Variants in PPP6R2 observed in about 807,000 individuals in gnomAD.
PPP6R2 encodes serine/threonine-protein phosphatase 6 regulatory subunit 2.
Under a neutral mutation model 100.2 loss-of-function variants are expected in PPP6R2, and 62 were observed. That is an observed-to-expected ratio of 0.62 (90% CI 0.50 to 0.76). The LOEUF is 0.76. Ranked by LOEUF, PPP6R2 falls within the 30% of genes least tolerant of loss-of-function variation. The pLI is 0.00. For synonymous variants in PPP6R2, 525 were observed against 514.7 expected (o/e 1.02, Z -0.27); for missense variants, 1,142 against 1,276.3 (o/e 0.89, Z 1.60).
intron 12 of PPP6R2, among the ~76,000 whole-genome samples, chr22:50,434,672 C>T (rs11702930): frequency 2.1e-4 from 17 of 80,222 alleles, no homozygotes; most frequent in Non-Finnish European, 1.7e-4. Flanking sequence ...GGGCCGGGCA[C>T]TTGCCCTGGA....
At chr22:50,332,781 G>A in the PPP6R2 span, among the ~76,000 whole-genome samples, 1 of 151,378 alleles carries the variant, frequency 6.6e-6, no homozygotes, top group Non-Finnish European at 1.5e-5. Flanking sequence ...GCACCACCAC[G>A]CCCAGCTAAT....
chr22:50,435,041 G>A lies in PPP6R2; in HGVS notation c.1476G>A (p.Glu492=), dbSNP rs765723793. 1.9e-6 allele frequency: 3 copies of A among 1,597,762 alleles called. No homozygotes were observed. The highest frequency in any genetic ancestry group is 2.2e-5 in the South Asian group (2 of 89,888). The change falls in exon 13 of 24, where the codon GAG becomes GAA. Residue 492 remains glutamate (E), a synonymous_variant. Coordinates refer to ENST00000612753, the MANE Select transcript of PPP6R2 (RefSeq NM_001242898.2). ...CCAACGCGGTGGTGCAGAACCTGGA[G>A]CGGGGCCCTGTGCAGACGCACATCA... ...RIANAVVQNL[E]RGPVQTHISE...
chr22:50,378,453 G>T (rs753514881), intron 2 of PPP6R2, among the ~76,000 whole-genome samples: 2 of 152,184 alleles, frequency 1.3e-5, no homozygotes, highest in South Asian at 4.1e-4. Flanking sequence ...AGACGTGGTG[G>T]TGCATGCCTG....
chr22:50,340,791 G>A (rs939119183), upstream of PPP6R2, among the ~76,000 whole-genome samples: 4 of 151,922 alleles, frequency 2.6e-5, no homozygotes, highest in Admixed American at 2.6e-4. Flanking sequence ...CATGAGCAAG[G>A]GGAGTAGGAG....
intron 22 of PPP6R2, 180 bp downstream of exon 22, chr22:50,441,206 C>T (rs1005551782): frequency 3.1e-5 from 19 of 603,424 alleles, no homozygotes; most frequent in East Asian, 5.6e-5. Context: ...GGTGCCCACG[C>T]GTTTACGTGG....
intron 6 of PPP6R2, 112 bp downstream of exon 6, chr22:50,416,269 G>A (rs1286772282): frequency 1.1e-6 from 1 of 917,846 alleles, no homozygotes; most frequent in Non-Finnish European, 1.7e-6. Context: ...TTCCTAAGAT[G>A]AGGATCGGTT....
At chr22:50,394,238 G>A (rs2056248763) in intron 3 of PPP6R2, 103 bp downstream of exon 3, 9 of 1,486,042 alleles carry the variant, frequency 6.1e-6, no homozygotes, top group Non-Finnish European at 2.7e-6. Flanking sequence ...TGATGAAGAA[G>A]CGAGCCGTAA....
At chr22:50,404,971 G>A (rs1010122494) in intron 3 of PPP6R2, among the ~76,000 whole-genome samples, 1 of 152,172 alleles carries the variant, frequency 6.6e-6, no homozygotes, top group Non-Finnish European at 1.5e-5. Flanking sequence ...GGCGATGGCT[G>A]TCACCCACCT....
At chr22:50,353,210 T>A (rs938428447) in intron 1 of PPP6R2, among the ~76,000 whole-genome samples, 1 of 152,246 alleles carries the variant, frequency 6.6e-6, no homozygotes, top group African/African-American at 2.4e-5. Flanking sequence ...GAGGGCTAGC[T>A]TTTGGCCTGT....
chr22:50,332,176 A>G, the PPP6R2 span, among the ~76,000 whole-genome samples: 1 of 152,062 alleles, frequency 6.6e-6, no homozygotes, highest in Non-Finnish European at 1.5e-5. Flanking sequence ...TATCTAAGAA[A>G]TGTCTTAACC....
chr22:50,400,624 C>G (rs2057867216), intron 3 of PPP6R2, among the ~76,000 whole-genome samples: 2 of 152,146 alleles, frequency 1.3e-5, no homozygotes, highest in African/African-American at 4.8e-5. Flanking sequence ...ACAGGGGATC[C>G]CCAAAGAGCA....
chr22:50,439,829 A>C lies in PPP6R2; in HGVS notation c.2257A>C (p.Lys753Gln). Residue 753 changes from lysine to glutamine, a missense_variant, in exon 20 of 24, where the codon AAG (lysine) becomes CAG (glutamine). By Grantham distance (53) the Lys-to-Gln change is moderately conservative. This residue lies in a region of PPP6R2 where 550 missense variants were observed against 517.4 expected (regional missense o/e 1.06). Transcript: ENST00000612753. ...TSAPEEKGWA[K>Q]FTDFQPFCCS... is the part of the protein sequence containing the mutation. ...AGCTCCAGAGGAGAAAGGCTGGGCCAAGTTCACTGACTTCCAACCTTTCTG... is the reference window on the plus strand; with the variant it reads ...AGCTCCAGAGGAGAAAGGCTGGGCCCAGTTCACTGACTTCCAACCTTTCTG... 1 of 1,613,648 alleles carries C rather than the reference A, an allele frequency of 6.2e-7. No individual in the cohort carries two copies. The highest frequency in any genetic ancestry group is 8.5e-7 in the Non-Finnish European group (1 of 1,179,816).
intron 10 of PPP6R2, among the ~76,000 whole-genome samples, chr22:50,428,616 C>A (rs947096465): frequency 3.3e-5 from 5 of 152,008 alleles, no homozygotes; most frequent in African/African-American, 1.2e-4. Flanking sequence ...ATTCAGGAGA[C>A]TGAAGAGGGA....
chr22:50,386,219 T>A (rs1362534166), intron 2 of PPP6R2, among the ~76,000 whole-genome samples: 1 of 151,982 alleles, frequency 6.6e-6, no homozygotes, highest in Non-Finnish European at 1.5e-5. Context: ...CTCTGCTCAC[T>A]GCAACCTCTG....
intron 1 of PPP6R2, among the ~76,000 whole-genome samples, chr22:50,349,195 CAAAA>C (rs892504600): frequency 1.1e-4 from 7 of 61,652 alleles, no homozygotes; most frequent in African/African-American, 1.3e-4. Flanking sequence ...GACTTCCTCT[CAAAA>C]AAAAAAAAAA....
chr22:50,419,501 G>A (rs1470270033), intron 8 of PPP6R2, 39 bp downstream of exon 8: 1 of 1,444,198 alleles, frequency 6.9e-7, no homozygotes, highest in Non-Finnish European at 9.7e-7. Context: ...AGCTGAACTT[G>A]ACGCCTCAGT....
intron 1 of PPP6R2, among the ~76,000 whole-genome samples, chr22:50,357,289 A>G (rs1162971499): frequency 2.0e-5 from 3 of 152,192 alleles, no homozygotes; most frequent in Non-Finnish European, 4.4e-5. Context: ...TGGTGTGTGC[A>G]TGCGTATATG....
intron 18 of PPP6R2, 57 bp downstream of exon 18, chr22:50,438,355 C>G: frequency 6.4e-7 from 1 of 1,574,720 alleles, no homozygotes; most frequent in Non-Finnish European, 8.6e-7. Flanking sequence ...GCCCCCAGAA[C>G]ACCTGTCAGA....
intron 8 of PPP6R2, among the ~76,000 whole-genome samples, chr22:50,421,952 G>A (rs2061395320): frequency 6.6e-6 from 1 of 152,048 alleles, no homozygotes; most frequent in African/African-American, 2.4e-5. Context: ...TTAAAAGTGG[G>A]ACAGAGCAGG....
Sources: gnomAD v4.1 joint callset for allele counts (sites outside exome capture counted in the v4.1 genomes callset) on GRCh38, gnomAD v4.1.1 for gene constraint, gnomAD v4.1.1 regional missense constraint, MANE v1.5 for transcripts, NCBI Gene and HGNC (gene_info 2026-07-23, HGNC 2026-07-21) for gene names.